Variants in REDIC1 observed in about 807,000 individuals in gnomAD.
REDIC1 encodes regulator of DNA class I crossover intermediates 1, also known as HEI10 Interacting Protein 1.
chr12:39,653,522 TTCTTC>T, the REDIC1 span, among the ~76,000 whole-genome samples: 1 of 58,124 alleles, frequency 1.7e-5, no homozygotes, highest in African/African-American at 5.0e-5. Context: ...CTTCTTCTTC[TTCTTC>T]TTCTTCTTCT....
chr12:39,808,365 C>T, the REDIC1 span, among the ~76,000 whole-genome samples: 3 of 152,088 alleles, frequency 2.0e-5, no homozygotes, highest in Non-Finnish European at 4.4e-5. Flanking sequence ...GTAACATCTA[C>T]GTAATTTCCA....
the REDIC1 span, chr12:39,759,193 T>C: frequency 2.6e-5 from 4 of 152,506 alleles, no homozygotes; most frequent in South Asian, 2.1e-4. Flanking sequence ...TGGCACTATT[T>C]TGCATTTATA....
the REDIC1 span, among the ~76,000 whole-genome samples, chr12:39,647,563 A>T: frequency 6.6e-6 from 1 of 151,964 alleles, no homozygotes; most frequent in East Asian, 1.9e-4. Context: ...GGATGGAGAG[A>T]AGCAGGAGTA....
the REDIC1 span, among the ~76,000 whole-genome samples, chr12:39,878,580 T>A: frequency 6.6e-6 from 1 of 152,180 alleles, no homozygotes; most frequent in East Asian, 1.9e-4. Flanking sequence ...TAGAAGAAAC[T>A]TCTAAGCAAC....
the REDIC1 span, among the ~76,000 whole-genome samples, chr12:39,827,601 T>C: frequency 6.6e-6 from 1 of 152,136 alleles, no homozygotes; most frequent in East Asian, 1.9e-4. Flanking sequence ...GGGATGCATG[T>C]TGGAGGTGTA....
the REDIC1 span, among the ~76,000 whole-genome samples, chr12:39,715,295 C>G: frequency 6.6e-6 from 1 of 151,842 alleles, no homozygotes; most frequent in African/African-American, 2.4e-5. Context: ...GCTAATTAGC[C>G]CAGCACCATT....
chr12:39,793,024 C>T, the REDIC1 span, among the ~76,000 whole-genome samples: 3 of 152,028 alleles, frequency 2.0e-5, no homozygotes, highest in Non-Finnish European at 4.4e-5. Context: ...TTTCACATTC[C>T]TTGGGTCATA....
chr12:39,647,937 C>T, the REDIC1 span: 2 of 1,598,076 alleles, frequency 1.3e-6, no homozygotes, highest in Non-Finnish European at 8.5e-7. Flanking sequence ...ATAGCACCTA[C>T]TCCTCAGAAA....
the REDIC1 span, among the ~76,000 whole-genome samples, chr12:39,903,679 T>C: frequency 6.6e-6 from 1 of 152,036 alleles, no homozygotes; most frequent in Non-Finnish European, 1.5e-5. Context: ...AACAAGGATA[T>C]ATATAACCAG....
At chr12:39,802,118 T>C in the REDIC1 span, 2 of 152,302 alleles carry the variant, frequency 1.3e-5, no homozygotes, top group African/African-American at 4.8e-5. Context: ...AAGGCCCCGC[T>C]GGTTTCATGG....
chr12:39,900,399 T>TC, the REDIC1 span, among the ~76,000 whole-genome samples: 5 of 152,258 alleles, frequency 3.3e-5, no homozygotes, highest in Admixed American at 6.5e-5. Flanking sequence ...AGTCAAATTG[T>TC]CCCTGTTTGC....
the REDIC1 span, among the ~76,000 whole-genome samples, chr12:39,693,388 C>T: frequency 6.6e-6 from 1 of 151,194 alleles, no homozygotes; most frequent in African/African-American, 2.4e-5. Context: ...CTTATCCTCC[C>T]TGCCCTATTT....
the REDIC1 span, among the ~76,000 whole-genome samples, chr12:39,783,033 A>G: frequency 1.3e-5 from 2 of 151,820 alleles, no homozygotes; most frequent in Non-Finnish European, 2.9e-5. Flanking sequence ...CCCCCACCCC[A>G]CGACAGGCCC....
chr12:39,747,269 C>G, the REDIC1 span, among the ~76,000 whole-genome samples: 1 of 152,162 alleles, frequency 6.6e-6, no homozygotes, highest in Non-Finnish European at 1.5e-5. Flanking sequence ...ATGAGAACTA[C>G]ATGACGAATG....
chr12:39,824,198 A>G, the REDIC1 span, among the ~76,000 whole-genome samples: 1 of 152,238 alleles, frequency 6.6e-6, no homozygotes, highest in Non-Finnish European at 1.5e-5. Context: ...TATAAACTAT[A>G]CAGGTATCAT....
the REDIC1 span, among the ~76,000 whole-genome samples, chr12:39,831,074 T>G: frequency 6.6e-6 from 1 of 152,092 alleles, no homozygotes; most frequent in Non-Finnish European, 1.5e-5. Context: ...TGCCAGAAAA[T>G]TCTGGAGCAC....
chr12:39,692,674 G>C, the REDIC1 span, among the ~76,000 whole-genome samples: 1 of 151,614 alleles, frequency 6.6e-6, no homozygotes, highest in Non-Finnish European at 1.5e-5. Flanking sequence ...TCTAACAATG[G>C]ATATTTAGGT....
At chr12:39,893,416 C>T in the REDIC1 span, among the ~76,000 whole-genome samples, 4 of 152,234 alleles carry the variant, frequency 2.6e-5, no homozygotes, top group Non-Finnish European at 5.9e-5. Flanking sequence ...TCTCCTGCCT[C>T]AGCCTCCCGA....
the REDIC1 span, among the ~76,000 whole-genome samples, chr12:39,684,605 C>G: frequency 6.6e-6 from 1 of 151,978 alleles, no homozygotes; most frequent in African/African-American, 2.4e-5. Flanking sequence ...TTAAATGTAC[C>G]TTATGAAAGC....
Sources: gnomAD v4.1 joint callset for allele counts (sites outside exome capture counted in the v4.1 genomes callset) on GRCh38, gnomAD v4.1.1 for gene constraint, MANE v1.5 for transcripts, NCBI Gene and HGNC (gene_info 2026-07-23, HGNC 2026-07-21) for gene names.